PTPRT: variants seen among roughly 807,000 people sequenced by gnomAD.
The protein encoded by PTPRT is receptor-type tyrosine-protein phosphatase T.
A neutral mutation model predicts 176.8 loss-of-function variants in PTPRT; 56 were observed. That is an observed-to-expected ratio of 0.32 (90% confidence interval 0.26 to 0.40). The LOEUF is 0.40. Ranked by LOEUF, PTPRT falls within the 10% of genes least tolerant of loss-of-function variation. The probability of loss-of-function intolerance (pLI) is 1.00; values close to 1 mark genes in which losing one functional copy is unlikely to be tolerated. For synonymous variants in PTPRT, 783 were observed against 739.0 expected (o/e 1.06, Z -0.96); for missense variants, 1,540 against 1,908.2 (o/e 0.81, Z 3.60).
chr20:42,100,589 G>A (rs1418300947), intron 26 of PTPRT, among the ~76,000 whole-genome samples: 1 of 152,166 alleles, frequency 6.6e-6, no homozygotes, highest in East Asian at 1.9e-4. Context: ...TAGAGGCCAG[G>A]AGCTTATTTG....
intron 9 of PTPRT, among the ~76,000 whole-genome samples, chr20:42,406,017 A>G (rs1173170199): frequency 1.3e-5 from 2 of 152,210 alleles, no homozygotes; most frequent in African/African-American, 4.8e-5. Context: ...TGTAAATTAT[A>G]AACTATTTTA....
At chr20:42,815,865 T>C (rs2077775088) in intron 2 of PTPRT, among the ~76,000 whole-genome samples, 1 of 152,208 alleles carries the variant, frequency 6.6e-6, no homozygotes, top group Non-Finnish European at 1.5e-5. Flanking sequence ...ATCAAATAAA[T>C]TAGACCCAGA....
At chr20:42,386,606 A>C (rs985471023) in intron 9 of PTPRT, among the ~76,000 whole-genome samples, 3 of 149,468 alleles carry the variant, frequency 2.0e-5, no homozygotes, top group Non-Finnish European at 3.0e-5. Flanking sequence ...GCAAAGTAAG[A>C]ATTATTATCT....
chr20:42,819,832 C>T (rs1488168887), intron 2 of PTPRT, among the ~76,000 whole-genome samples: 2 of 152,092 alleles, frequency 1.3e-5, no homozygotes, highest in South Asian at 2.1e-4. Flanking sequence ...AAAGGCATTA[C>T]ATAATGGTAA....
Position 43,129,622 on chromosome 20 carries a change from T to TC in PTPRT, c.88+60023_88+60024insG, listed in dbSNP as rs750282952. The stretch of plus-strand genomic sequence containing the variant: ...CCGACTCCAAAGAGTTCTTTTTTTT[T>TC]TTTTTTTTTTTTTTGAGACGGAGTC... On this transcript the variant is annotated intron_variant, in intron 1 of 30. Coordinates refer to ENST00000373187, the MANE Select transcript of PTPRT (RefSeq NM_007050.6). Among the ~76,000 whole-genome samples the TC allele has an allele frequency of 1.1e-3, 151 of 137,538 alleles. 1 individual carries two copies. The highest frequency in any genetic ancestry group is 1.6e-3 in the Non-Finnish European group (102 of 63,708). 90.2% of individuals were successfully genotyped at this position (137,538 alleles called of 152,430 possible).
At chr20:42,121,576 G>A (rs899877275) in intron 19 of PTPRT, among the ~76,000 whole-genome samples, 9 of 151,886 alleles carry the variant, frequency 5.9e-5, no homozygotes, top group Non-Finnish European at 1.3e-4. Context: ...TCCCTTCTAG[G>A]GTGTGTGGTC....
At chr20:42,496,444 C>T (rs930986221) in intron 7 of PTPRT, among the ~76,000 whole-genome samples, 3 of 152,074 alleles carry the variant, frequency 2.0e-5, no homozygotes, top group African/African-American at 7.2e-5. Context: ...TAATTGGAAC[C>T]GTTCTGTCAG....
intron 1 of PTPRT, among the ~76,000 whole-genome samples, chr20:42,950,997 C>T (rs1981203267): frequency 6.6e-6 from 1 of 152,336 alleles, no homozygotes; most frequent in Non-Finnish European, 1.5e-5. Flanking sequence ...TTTTCTTCAT[C>T]AAAGAGCACT....
chr20:42,376,149 G>C (rs973566571), intron 9 of PTPRT, among the ~76,000 whole-genome samples: 5 of 152,194 alleles, frequency 3.3e-5, no homozygotes, highest in African/African-American at 1.2e-4. Context: ...GGACTAAAAA[G>C]ATACGAGCTT....
chr20:42,661,085 G>T (rs1371398839), intron 7 of PTPRT, among the ~76,000 whole-genome samples: 1 of 152,084 alleles, frequency 6.6e-6, no homozygotes, highest in African/African-American at 2.4e-5. Flanking sequence ...TCCTGACCTT[G>T]TGATCCACCT....
At chr20:43,007,239 G>A (rs1031586322) in intron 1 of PTPRT, among the ~76,000 whole-genome samples, 1 of 152,090 alleles carries the variant, frequency 6.6e-6, no homozygotes, top group Non-Finnish European at 1.5e-5. Flanking sequence ...CAATTTAAAG[G>A]GTTCCAAGGA....
At chr20:43,123,175 G>A (rs973404137) in intron 1 of PTPRT, among the ~76,000 whole-genome samples, 1 of 152,124 alleles carries the variant, frequency 6.6e-6, no homozygotes, top group Non-Finnish European at 1.5e-5. Flanking sequence ...CTTTATGGCA[G>A]CACAAAAATG....
chr20:42,281,008 C>T (rs566627827), intron 13 of PTPRT, among the ~76,000 whole-genome samples: 4 of 152,186 alleles, frequency 2.6e-5, no homozygotes, highest in South Asian at 2.1e-4. Context: ...CGAAAGCCAC[C>T]GAGGAGCCAT....
chr20:42,804,116 G>A (rs147226724), intron 2 of PTPRT, among the ~76,000 whole-genome samples: 4 of 152,200 alleles, frequency 2.6e-5, no homozygotes, highest in African/African-American at 9.6e-5. Flanking sequence ...TCCATCAACT[G>A]AGGCCTCTTG....
At chr20:43,056,091 CAAG>C (rs1253672771) in intron 1 of PTPRT, among the ~76,000 whole-genome samples, 4 of 152,094 alleles carry the variant, frequency 2.6e-5, no homozygotes, top group African/African-American at 4.8e-5. Context: ...CTTGGATGAA[CAAG>C]AAGAGTCAAA....
intron 9 of PTPRT, among the ~76,000 whole-genome samples, chr20:42,383,124 G>C (rs2145639671): frequency 6.6e-6 from 1 of 152,256 alleles, no homozygotes; most frequent in African/African-American, 2.4e-5. Flanking sequence ...ATACATGTGA[G>C]CAATTATAAG....
chr20:42,471,202 T>A (rs890935840), intron 8 of PTPRT, among the ~76,000 whole-genome samples: 1 of 152,220 alleles, frequency 6.6e-6, no homozygotes, highest in African/African-American at 2.4e-5. Flanking sequence ...ACTTCCAAAT[T>A]CAACATGTTT....
At chr20:42,568,809 A>T (rs192466587) in intron 7 of PTPRT, among the ~76,000 whole-genome samples, 4 of 151,796 alleles carry the variant, frequency 2.6e-5, no homozygotes, top group African/African-American at 9.7e-5. Context: ...CAGAACTTTG[A>T]GAGGCTGAGG....
chr20:42,538,280 A>AC (rs1460977834), intron 7 of PTPRT, among the ~76,000 whole-genome samples: 2 of 152,218 alleles, frequency 1.3e-5, no homozygotes, highest in East Asian at 3.9e-4. Context: ...TCAGCAGGAC[A>AC]CCCCTCTCAA....
Sources: allele counts gnomAD v4.1 joint callset (sites outside exome capture counted in the v4.1 genomes callset), GRCh38; gene constraint gnomAD v4.1.1; transcripts MANE v1.5; gene names NCBI Gene and HGNC (gene_info 2026-07-23, HGNC 2026-07-21).